ASTN2: variants seen among roughly 807,000 people sequenced by gnomAD.
ASTN2 encodes the protein astrotactin-2.
In ASTN2, 54 loss-of-function variants were observed where a neutral mutation model predicts 139.8. The ratio of observed to expected loss-of-function variants is 0.39; its 90% CI spans 0.31 to 0.48. The LOEUF (loss-of-function observed/expected upper bound fraction) is 0.48. Among genes scored for constraint, ASTN2 ranks in the 20% least tolerant of loss-of-function variants. The pLI is 0.95. For synonymous variants in ASTN2, 756 were observed against 719.5 expected, an observed-to-expected ratio of 1.05 and a Z score of -0.81; for missense variants, 1,565 against 1,725.1, an observed-to-expected ratio of 0.91 and a Z score of 1.64.
chr9:117,340,088 C>G (rs142102397), intron 1 of ASTN2, among the ~76,000 whole-genome samples: 1 of 151,816 alleles, frequency 6.6e-6, no homozygotes, highest in Non-Finnish European at 1.5e-5. Flanking sequence ...CCACACACAC[C>G]TCTTCATGTC....
chr9:116,633,314 T>G (rs1468177850), intron 17 of ASTN2, among the ~76,000 whole-genome samples: 1 of 152,236 alleles, frequency 6.6e-6, no homozygotes, highest in Non-Finnish European at 1.5e-5. Flanking sequence ...CTTACACAAA[T>G]TTAAGTTCTT....
intron 20 of ASTN2, among the ~76,000 whole-genome samples, chr9:116,466,702 T>C (rs772635766): frequency 3.4e-4 from 52 of 152,280 alleles, no homozygotes; most frequent in Non-Finnish European, 6.6e-4. Context: ...AGGGAGGATG[T>C]CACATTTGAG....
intron 10 of ASTN2, among the ~76,000 whole-genome samples, chr9:116,904,502 C>T (rs769387542): frequency 2.4e-4 from 36 of 152,172 alleles, no homozygotes; most frequent in Non-Finnish European, 4.9e-4. Context: ...TTGCTTACTA[C>T]CTATGGGACC....
At chr9:116,916,788 T>C (rs111257140) in intron 10 of ASTN2, among the ~76,000 whole-genome samples, 2,265 of 152,214 alleles carry the variant, frequency 0.015, 52 homozygotes, top group African/African-American at 0.052. Context: ...GCCAAGATTG[T>C]GCCACTGAAC....
intron 12 of ASTN2, among the ~76,000 whole-genome samples, chr9:116,809,473 T>C (rs965147637): frequency 2.6e-5 from 4 of 152,348 alleles, no homozygotes; most frequent in African/African-American, 9.6e-5. Flanking sequence ...TTAATTACTA[T>C]AGCTTTATAG....
chr9:117,049,462 AC>A (rs1838851535), intron 5 of ASTN2, among the ~76,000 whole-genome samples: 1 of 152,298 alleles, frequency 6.6e-6, no homozygotes, highest in African/African-American at 2.4e-5. Flanking sequence ...TACGGAAAAA[AC>A]GATCTAGTTT....
At chr9:116,455,160 C>G (rs1443245245) in intron 20 of ASTN2, among the ~76,000 whole-genome samples, 1 of 151,880 alleles carries the variant, frequency 6.6e-6, no homozygotes, top group East Asian at 1.9e-4. Context: ...ACCAGCCTGG[C>G]CAACATGGTG....
chr9:117,331,146 C>A (rs1828693616), intron 1 of ASTN2, among the ~76,000 whole-genome samples: 1 of 152,172 alleles, frequency 6.6e-6, no homozygotes, highest in Non-Finnish European at 1.5e-5. Context: ...GTGTCCCAAT[C>A]ACAGAAGTCA....
At chr9:116,482,633 T>C (rs1849208028) in intron 20 of ASTN2, among the ~76,000 whole-genome samples, 1 of 151,956 alleles carries the variant, frequency 6.6e-6, no homozygotes, top group South Asian at 2.1e-4. Context: ...TGAGAGCAAA[T>C]GTGAAACTTG....
At chr9:117,059,469 T>C (rs1353062621) in intron 5 of ASTN2, among the ~76,000 whole-genome samples, 1 of 151,874 alleles carries the variant, frequency 6.6e-6, no homozygotes, top group Non-Finnish European at 1.5e-5. Context: ...AAAAATTAGC[T>C]GGGCATGGTG....
intron 6 of ASTN2, among the ~76,000 whole-genome samples, chr9:117,025,046 G>A (rs1299780830): frequency 2.6e-5 from 4 of 152,096 alleles, no homozygotes; most frequent in Admixed American, 6.6e-5. Flanking sequence ...GTGGAACTGT[G>A]AGTCAAACCT....
At chr9:116,616,040 A>G (rs943530985) in intron 19 of ASTN2, among the ~76,000 whole-genome samples, 4 of 152,214 alleles carry the variant, frequency 2.6e-5, no homozygotes, top group Non-Finnish European at 5.9e-5. Flanking sequence ...TCAATATAGT[A>G]CTAAAATTCC....
intron 6 of ASTN2, among the ~76,000 whole-genome samples, chr9:117,028,096 A>T (rs1393765657): frequency 6.6e-6 from 1 of 152,158 alleles, no homozygotes; most frequent in Admixed American, 6.6e-5. Flanking sequence ...TTAATCCCAG[A>T]ATCTAAGTCT....
At chr9:116,597,699 G>C (rs931579909) in intron 19 of ASTN2, among the ~76,000 whole-genome samples, 31 of 152,142 alleles carry the variant, frequency 2.0e-4, no homozygotes, top group African/African-American at 7.5e-4. Flanking sequence ...TGTATAATGT[G>C]AGTGAGAGGT....
chr9:116,733,069 A>G (rs771739188), intron 14 of ASTN2, among the ~76,000 whole-genome samples: 5 of 152,218 alleles, frequency 3.3e-5, no homozygotes, highest in Non-Finnish European at 7.3e-5. Context: ...GTGGAAAAAT[A>G]CCAGAAAATT....
At chr9:117,191,293 T>C (rs1465219621) in intron 3 of ASTN2, among the ~76,000 whole-genome samples, 3 of 147,480 alleles carry the variant, frequency 2.0e-5, no homozygotes, top group African/African-American at 2.5e-5. Context: ...AGTCATGAGA[T>C]AGAATTACAT....
chr9:116,803,323 T>C (rs2132241655), intron 13 of ASTN2, among the ~76,000 whole-genome samples: 1 of 148,984 alleles, frequency 6.7e-6, no homozygotes, highest in African/African-American at 2.4e-5. Context: ...TTCTTTTTTT[T>C]TTTTTAAATA....
intron 1 of ASTN2, among the ~76,000 whole-genome samples, chr9:117,356,675 A>C (rs1829547392): frequency 6.6e-6 from 1 of 152,172 alleles, no homozygotes; most frequent in Admixed American, 6.6e-5. Flanking sequence ...GTATGTCAAA[A>C]ATGGTTAGGA....
At chr9:116,502,004 AG>A (rs1849873556) in intron 19 of ASTN2, among the ~76,000 whole-genome samples, 1 of 152,078 alleles carries the variant, frequency 6.6e-6, no homozygotes, top group Non-Finnish European at 1.5e-5. Context: ...ACAAGCCTCC[AG>A]AAGGGTGGGG....
Sources: allele counts gnomAD v4.1 joint callset (sites outside exome capture counted in the v4.1 genomes callset), GRCh38; gene constraint gnomAD v4.1.1; transcripts MANE v1.5; gene names NCBI Gene and HGNC (gene_info 2026-07-23, HGNC 2026-07-21).